Variants in RALA observed in about 807,000 individuals in gnomAD.
RALA encodes RAS like proto-oncogene A.
Under a neutral mutation model 24.0 loss-of-function variants are expected in RALA, and 5 were observed. The observed-to-expected ratio is 0.21, with a 90% confidence interval of 0.11 to 0.44. The LOEUF (loss-of-function observed/expected upper bound fraction) is 0.44, where lower values mean the gene tolerates loss of function less well. Ranked by LOEUF, RALA falls within the 20% of genes least tolerant of loss-of-function variation. RALA has a pLI of 0.99. For missense variants in RALA, 95 were observed against 241.2 expected (o/e 0.39, Z 4.01); for synonymous variants, 77 against 83.8 (o/e 0.92, Z 0.44).
intron 1 of RALA, among the ~76,000 whole-genome samples, chr7:39,674,609 C>T (rs1019833182): frequency 1.3e-5 from 2 of 152,146 alleles, no homozygotes; most frequent in Non-Finnish European, 2.9e-5. Flanking sequence ...TGGAAGCTTT[C>T]CCTGTGCTCT....
intron 2 of RALA, among the ~76,000 whole-genome samples, chr7:39,687,288 A>G (rs1463745445): frequency 2.0e-5 from 3 of 152,102 alleles, no homozygotes; most frequent in Non-Finnish European, 4.4e-5. Flanking sequence ...TTAACTGGGC[A>G]TGGTGGCGGG....
rs1372298265 is a variant in RALA at position 39,674,057 on chromosome 7, AT to A, written c.-37-12573del. 5.0e-3 allele frequency among the ~76,000 whole-genome samples: 608 copies of A among 121,892 alleles called. 9 individuals carry two copies. Among genetic ancestry groups the A allele is most frequent in the African/African-American group, 0.015 (578 of 38,046 alleles). The allele number at this position is 121,892 out of a possible 152,430, so 80.0% of individuals were successfully genotyped here. A position where few individuals can be genotyped will look rare whatever the true frequency, so the allele number is the denominator to read the frequency against. On this transcript the variant is annotated intron_variant, in intron 1 of 4. Coordinates refer to ENST00000005257, the MANE Select transcript of RALA (RefSeq NM_005402.4). ...GCATGCACTGTAAATAAATAAATAA[AT>A]AAATAAATAAATAAATAAATAAATA...
intron 1 of RALA, among the ~76,000 whole-genome samples, chr7:39,670,109 C>T (rs1792354485): frequency 6.6e-6 from 1 of 152,166 alleles, no homozygotes; most frequent in African/African-American, 2.4e-5. Context: ...TTAAATTATA[C>T]TTTTAAAGAT....
intron 1 of RALA, among the ~76,000 whole-genome samples, chr7:39,627,941 CCTAA>C (rs557010411): frequency 2.0e-3 from 300 of 152,268 alleles, no homozygotes; most frequent in Non-Finnish European, 3.2e-3. Context: ...GTGCTCCTTA[CCTAA>C]CTCTCTTTTT....
chr7:39,687,977 C>T (rs1173664784), intron 2 of RALA, among the ~76,000 whole-genome samples: 2 of 152,164 alleles, frequency 1.3e-5, no homozygotes, highest in Non-Finnish European at 2.9e-5. Flanking sequence ...GGTTCTCACT[C>T]TGTTGCCCAG....
intron 1 of RALA, among the ~76,000 whole-genome samples, chr7:39,637,967 T>A (rs1457164949): frequency 6.6e-6 from 1 of 152,244 alleles, no homozygotes; most frequent in East Asian, 1.9e-4. Context: ...TGCATAATAC[T>A]GTTGTAATAC....
intron 1 of RALA, among the ~76,000 whole-genome samples, chr7:39,631,153 G>A (rs1365056225): frequency 2.6e-5 from 4 of 151,938 alleles, no homozygotes; most frequent in African/African-American, 4.8e-5. Context: ...AACCACAGGC[G>A]TGTGCCACCA....
rs1385028322 is a variant in RALA at position 39,707,434 on chromosome 7, C to T, written c.*1189C>T. Reference sequence around the variant, plus strand: ...TTTATAATGAAGAACACTGTAGCTACATTTTCAGAAGTTAACATCAAGCCA... The same window carrying T: ...TTTATAATGAAGAACACTGTAGCTATATTTTCAGAAGTTAACATCAAGCCA... On this transcript the variant is annotated 3_prime_UTR_variant, in exon 5 of 5. Coordinates refer to ENST00000005257, the MANE Select transcript of RALA (RefSeq NM_005402.4). 1 of 152,192 alleles carries T rather than the reference C, an allele frequency of 6.6e-6. No individual in the cohort carries two copies. Among genetic ancestry groups the T allele is most frequent in the African/African-American group, 2.4e-5 (1 of 41,448 alleles). The allele number at this position is 152,192 out of a possible 1,614,324, so 9.4% of individuals were successfully genotyped here.
intron 1 of RALA, among the ~76,000 whole-genome samples, chr7:39,649,980 A>G (rs1583715983): frequency 6.6e-6 from 1 of 152,234 alleles, no homozygotes; most frequent in East Asian, 1.9e-4. Flanking sequence ...CAAAAGCTTT[A>G]TATGAGTAGG....
At chr7:39,680,758 A>G (rs887945033) in intron 1 of RALA, among the ~76,000 whole-genome samples, 3 of 152,082 alleles carry the variant, frequency 2.0e-5, no homozygotes, top group African/African-American at 2.4e-5. Flanking sequence ...TACCTGTTGA[A>G]TTATTCTCCG....
At chr7:39,638,833 T>C (rs1403518439) in intron 1 of RALA, among the ~76,000 whole-genome samples, 1 of 152,258 alleles carries the variant, frequency 6.6e-6, no homozygotes, top group Non-Finnish European at 1.5e-5. Context: ...TGAACATTCA[T>C]GTACAAGTCT....
intron 1 of RALA, among the ~76,000 whole-genome samples, chr7:39,686,249 C>T (rs1792703323): frequency 6.6e-6 from 1 of 150,834 alleles, no homozygotes; most frequent in African/African-American, 2.4e-5. Flanking sequence ...TTAATTATTG[C>T]CAATATAAAT....
intron 3 of RALA, among the ~76,000 whole-genome samples, chr7:39,691,516 G>A (rs974173981): frequency 2.0e-5 from 3 of 152,070 alleles, no homozygotes; most frequent in African/African-American, 7.2e-5. Flanking sequence ...GAAAGAAGCT[G>A]GGAAACCTTC....
chr7:39,685,243 G>A (rs1275286837), intron 1 of RALA, among the ~76,000 whole-genome samples: 4 of 152,230 alleles, frequency 2.6e-5, no homozygotes, highest in African/African-American at 9.6e-5. Context: ...TTAGCCAGAT[G>A]GAATAAGAAT....
In RALA at chr7:39,640,423, C is replaced by G. The variant is rs534077047; in HGVS notation, c.-38+16598C>G. 1.2e-4 allele frequency among the ~76,000 whole-genome samples: 18 copies of G among 152,324 alleles called. No homozygotes were observed. The East Asian group carries it at 3.1e-3, about 26-fold the overall frequency. ...TCTTTTCATGTGCTTCTTAGCCATT[C>G]ACATATCTTCTTTGGTGAGATGTTT... On this transcript the variant is annotated intron_variant, in intron 1 of 4. Transcript: ENST00000005257.
chr7:39,672,529 A>G (rs1451032129), intron 1 of RALA, among the ~76,000 whole-genome samples: 2 of 152,196 alleles, frequency 1.3e-5, no homozygotes, highest in African/African-American at 4.8e-5. Context: ...TTACCCAAGA[A>G]AAATGAAAAC....
intron 4 of RALA, among the ~76,000 whole-genome samples, chr7:39,705,843 T>C (rs1245672716): frequency 6.6e-6 from 1 of 152,082 alleles, no homozygotes; most frequent in African/African-American, 2.4e-5. Flanking sequence ...TATAGAACTT[T>C]TTAGACTTTT....
Position 39,707,486 on chromosome 7 carries a change from G to A in RALA, c.*1241G>A, listed in dbSNP as rs1223686965. On this transcript the variant is annotated 3_prime_UTR_variant, in exon 5 of 5. Transcript: ENST00000005257. The stretch of plus-strand genomic sequence containing the variant: ...CAAACCTGGGTATAGTGCAGAAAAC[G>A]TGGCACACACTGACCACACATTAGG... The A allele has an allele frequency of 6.6e-6, 1 of 152,174 alleles. No individual in the cohort carries two copies. The highest frequency in any genetic ancestry group is 1.5e-5 in the Non-Finnish European group (1 of 68,042). The allele number at this position is 152,174 out of a possible 1,614,324, so 9.4% of individuals were successfully genotyped here. A position where few individuals can be genotyped will look rare whatever the true frequency, so the allele number is the denominator to read the frequency against.
chr7:39,632,982 C>T (rs560635180), intron 1 of RALA, among the ~76,000 whole-genome samples: 11 of 152,282 alleles, frequency 7.2e-5, no homozygotes, highest in Non-Finnish European at 1.5e-4. Context: ...TTTCTTGCTT[C>T]TCTACACAGT....
Sources: gnomAD v4.1 joint callset for allele counts (sites outside exome capture counted in the v4.1 genomes callset) on GRCh38, gnomAD v4.1.1 for gene constraint, MANE v1.5 for transcripts, NCBI Gene and HGNC (gene_info 2026-07-23, HGNC 2026-07-21) for gene names.